DPP10: variants seen among roughly 807,000 people sequenced by gnomAD.
DPP10 encodes dipeptidyl peptidase like 10.
In DPP10, 33 loss-of-function variants were observed where a neutral mutation model predicts 120.9. That is an observed-to-expected ratio of 0.27 (90% CI 0.21 to 0.37). The LOEUF (loss-of-function observed/expected upper bound fraction) is 0.37, where lower values mean the gene tolerates loss of function less well. DPP10 is among the 10% of genes least tolerant of loss of function. DPP10 has a pLI of 1.00. For synonymous variants in DPP10, 337 were observed against 326.1 expected, an observed-to-expected ratio of 1.03 and a Z score of -0.36; for missense variants, 816 against 942.8, an observed-to-expected ratio of 0.87 and a Z score of 1.76.
chr2:114,734,638 A>G (rs952156151), intron 1 of DPP10, among the ~76,000 whole-genome samples: 3 of 152,120 alleles, frequency 2.0e-5, no homozygotes, highest in African/African-American at 7.2e-5. Flanking sequence ...GGTCACTCAT[A>G]TTTGGCTCAG....
rs144823827 is a variant in DPP10, at chr2:114,605,198, T to C, written c.60+162360T>C. Reference sequence around the variant, plus strand: ...GATTAGTCAGACTGGTCAACTCTTCTAGAGTGACTGGAAACTTAAGCATCT... The same window carrying C: ...GATTAGTCAGACTGGTCAACTCTTCCAGAGTGACTGGAAACTTAAGCATCT... On this transcript the variant is annotated intron_variant, in intron 1 of 25. Coordinates refer to ENST00000410059, the MANE Select transcript of DPP10 (RefSeq NM_020868.6). Among the ~76,000 whole-genome samples, 121 of 152,160 alleles carry C rather than the reference T, an allele frequency of 8.0e-4. 1 individual carries two copies. The highest frequency in any genetic ancestry group is 1.6e-3 in the Non-Finnish European group (110 of 67,994).
chr2:115,177,819 A>G (rs2053801401), intron 1 of DPP10, among the ~76,000 whole-genome samples: 1 of 152,054 alleles, frequency 6.6e-6, no homozygotes, highest in Admixed American at 6.5e-5. Context: ...GCTGGAGTAC[A>G]GTGGCGCGAT....
chr2:115,640,353 C>T (rs1262749914), intron 5 of DPP10, among the ~76,000 whole-genome samples: 2 of 151,848 alleles, frequency 1.3e-5, no homozygotes, highest in African/African-American at 2.4e-5. Flanking sequence ...CCCCCTCCTC[C>T]TCCCTCTCTG....
intron 3 of DPP10, among the ~76,000 whole-genome samples, chr2:115,386,374 A>C (rs1358617044): frequency 6.6e-6 from 1 of 152,108 alleles, no homozygotes; most frequent in Non-Finnish European, 1.5e-5. Context: ...CACATGCATC[A>C]CTCTTACCTG....
At chr2:115,750,110 C>G in intron 10 of DPP10, 2 of 985,384 alleles carry the variant, frequency 2.0e-6, no homozygotes, top group Non-Finnish European at 2.4e-6. Context: ...TCGTGGAACA[C>G]CAGATCTAAT....
At chr2:114,679,549 G>A (rs1285132765) in intron 1 of DPP10, among the ~76,000 whole-genome samples, 1 of 151,872 alleles carries the variant, frequency 6.6e-6, no homozygotes, top group Admixed American at 6.6e-5. Context: ...AATCTTTATT[G>A]TGTACTAGGA....
intron 1 of DPP10, among the ~76,000 whole-genome samples, chr2:114,834,971 CT>C (rs201128215): frequency 0.075 from 10,885 of 145,708 alleles, 645 homozygotes; most frequent in Non-Finnish European, 0.096. Context: ...ATCTACACAC[CT>C]ATGTATATAA....
chr2:115,269,771 C>A (rs1318167760), intron 1 of DPP10, among the ~76,000 whole-genome samples: 2 of 152,064 alleles, frequency 1.3e-5, no homozygotes, highest in Non-Finnish European at 2.9e-5. Context: ...AAAGTCTAGC[C>A]CACATTCAAG....
chr2:115,539,032 A>G (rs903115980), intron 5 of DPP10, among the ~76,000 whole-genome samples: 3 of 151,928 alleles, frequency 2.0e-5, no homozygotes, highest in East Asian at 1.9e-4. Flanking sequence ...ATAAGCTTAC[A>G]TATGCTGGGT....
At chr2:115,228,190 G>A (rs1262853597) in intron 1 of DPP10, among the ~76,000 whole-genome samples, 2 of 151,924 alleles carry the variant, frequency 1.3e-5, no homozygotes, top group African/African-American at 2.4e-5. Context: ...CAAGTGGTCT[G>A]TGTGTCTTGG....
At chr2:115,753,138 C>G (rs780816532) in intron 10 of DPP10, 36 bp from the exon 11 acceptor site, 2 of 1,596,134 alleles carry the variant, frequency 1.3e-6, no homozygotes, top group African/African-American at 2.7e-5. Context: ...AATGCTCTGG[C>G]TCTAAACATA....
At chr2:115,525,695 C>T (rs1272951961) in intron 4 of DPP10, among the ~76,000 whole-genome samples, 1 of 151,958 alleles carries the variant, frequency 6.6e-6, no homozygotes, top group Non-Finnish European at 1.5e-5. Context: ...CCTGTTCTTA[C>T]TGAAATGTCT....
At chr2:115,719,627 A>G (rs1033877962) in intron 7 of DPP10, among the ~76,000 whole-genome samples, 4 of 152,194 alleles carry the variant, frequency 2.6e-5, no homozygotes, top group Non-Finnish European at 5.9e-5. Flanking sequence ...TATACTGACA[A>G]ATTATGGAAA....
In DPP10 at chr2:115,195,024, C is replaced by T. The variant is rs1403011299; in HGVS notation, c.61-114215C>T. ...ACTTAAGCTGGGACAGTGTCTTTTG[C>T]AGATTTGGGGATATATTTTGGACAT... On this transcript the variant is annotated intron_variant, in intron 1 of 25. Coordinates refer to ENST00000410059, the MANE Select transcript of DPP10 (RefSeq NM_020868.6). 3.9e-5 allele frequency among the ~76,000 whole-genome samples: 6 copies of T among 152,108 alleles called. No individual in the cohort carries two copies. In the East Asian group the frequency reaches 5.8e-4, roughly 15 times the overall value.
intron 1 of DPP10, among the ~76,000 whole-genome samples, chr2:115,098,610 C>T (rs1453824110): frequency 6.6e-6 from 1 of 152,080 alleles, no homozygotes; most frequent in Non-Finnish European, 1.5e-5. Context: ...GTACTATAAT[C>T]TTACGGCACC....
At chr2:114,890,453 A>G (rs1054304152) in intron 1 of DPP10, among the ~76,000 whole-genome samples, 3 of 152,186 alleles carry the variant, frequency 2.0e-5, no homozygotes, top group African/African-American at 4.8e-5. Context: ...AGGGGCTTTG[A>G]AAAGAGAAAT....
At chr2:115,351,265 C>A (rs1037545190) in intron 3 of DPP10, among the ~76,000 whole-genome samples, 2 of 152,162 alleles carry the variant, frequency 1.3e-5, no homozygotes, top group East Asian at 1.9e-4. Context: ...TGAATTAATG[C>A]AGAAACAGAA....
At chr2:114,531,433 G>A (rs116689249) in intron 1 of DPP10, among the ~76,000 whole-genome samples, 1,845 of 151,268 alleles carry the variant, frequency 0.012, 37 homozygotes, top group African/African-American at 0.043. Flanking sequence ...GAGAGAGAAA[G>A]AATTGACATG....
chr2:114,587,996 T>A (rs1419492872), intron 1 of DPP10, among the ~76,000 whole-genome samples: 2 of 152,236 alleles, frequency 1.3e-5, no homozygotes, highest in East Asian at 1.9e-4. Flanking sequence ...ATCTATGCTT[T>A]TAAGTAATGC....
Sources: allele counts gnomAD v4.1 joint callset (sites outside exome capture counted in the v4.1 genomes callset), GRCh38; gene constraint gnomAD v4.1.1; transcripts MANE v1.5; gene names NCBI Gene and HGNC (gene_info 2026-07-23, HGNC 2026-07-21).